Variants in KCNV1 observed in about 807,000 individuals in gnomAD.
The protein encoded by KCNV1 is potassium voltage-gated channel modifier subfamily V member 1, also known as potassium voltage-gated channel subfamily V member 1.
In KCNV1, 2 loss-of-function variants were observed where a neutral mutation model predicts 36.4. The observed-to-expected ratio is 0.05, with a 90% confidence interval of 0.02 to 0.17. The LOEUF (loss-of-function observed/expected upper bound fraction) is 0.17. Ranked by LOEUF, KCNV1 falls within the 10% of genes least tolerant of loss-of-function variation. The pLI is 1.00. For missense variants in KCNV1, 321 were observed against 643.6 expected (o/e 0.50, Z 5.42); for synonymous variants, 280 against 261.1 (o/e 1.07, Z -0.70).
chr8:109,964,237 A>G lies in KCNV1; in HGVS notation c.*3851T>C, dbSNP rs1312024784. On this transcript the variant is annotated 3_prime_UTR_variant, in exon 4 of 4. Transcript: ENST00000524391. ...AAACATACATGCAGCCAACAATGAT[A>G]TGAAAAAAAGCCTCAATATCACTGA... The G allele has an allele frequency of 1.3e-5, 2 of 152,172 alleles. No individual in the cohort carries two copies. Among genetic ancestry groups the G allele is most frequent in the Admixed American group, 6.5e-5 (1 of 15,286 alleles). 9.4% of individuals were successfully genotyped at this position (152,172 alleles called of 1,614,324 possible).
At chr8:109,971,685 G>C (rs944693113) in intron 3 of KCNV1, among the ~76,000 whole-genome samples, 1 of 151,712 alleles carries the variant, frequency 6.6e-6, no homozygotes, top group Non-Finnish European at 1.5e-5. Flanking sequence ...CATTTAATTA[G>C]TTTATTTTGC....
At chr8:109,969,520 C>T (rs1041600463) in intron 3 of KCNV1, among the ~76,000 whole-genome samples, 6 of 152,078 alleles carry the variant, frequency 3.9e-5, no homozygotes, top group South Asian at 2.1e-4. Flanking sequence ...AGTCCAATTC[C>T]GTCTCTGAAG....
intron 3 of KCNV1, among the ~76,000 whole-genome samples, chr8:109,969,852 GA>G (rs199693742): frequency 0.12 from 10,745 of 86,418 alleles, 917 homozygotes; most frequent in African/African-American, 0.3. Context: ...CTCAAAAAAA[GA>G]AAAAAAAAAA....
chr8:109,973,581 G>C (rs1053850921), intron 2 of KCNV1, among the ~76,000 whole-genome samples: 8 of 152,048 alleles, frequency 5.3e-5, no homozygotes, highest in Non-Finnish European at 5.9e-5. Flanking sequence ...ATAATGCTGC[G>C]TGCCAAATCT....
At chr8:109,971,620 C>T (rs1309195534) in intron 3 of KCNV1, among the ~76,000 whole-genome samples, 1 of 151,596 alleles carries the variant, frequency 6.6e-6, no homozygotes, top group African/African-American at 2.4e-5. Context: ...TCTGTATTCC[C>T]CTCTCTCATA....
At chr8:109,969,996 T>C (rs544823221) in intron 3 of KCNV1, among the ~76,000 whole-genome samples, 2 of 152,310 alleles carry the variant, frequency 1.3e-5, no homozygotes, top group Non-Finnish European at 2.9e-5. Flanking sequence ...GTCAAAATGA[T>C]ATTGCCCCAG....
Position 109,972,928 on chromosome 8 carries a change from G to A in KCNV1, c.462-141C>T, listed in dbSNP as rs573915115. 9.7e-6 allele frequency: 6 copies of A among 620,660 alleles called. No individual in the cohort carries two copies. The East Asian group carries it at 1.4e-4, about 15-fold the overall frequency. 38.4% of individuals were successfully genotyped at this position (620,660 alleles called of 1,614,324 possible). A position where few individuals can be genotyped will look rare whatever the true frequency, so the allele number is the denominator to read the frequency against. The stretch of plus-strand genomic sequence containing the variant: ...TCTATTCATATTTTACTTAGGTTGT[G>A]TCTTACCCACAGTATTCAGAATTTC... On this transcript the variant is annotated intron_variant, in intron 2 of 3. Transcript: ENST00000524391. This position sits in a 1 kb window ranked among gnomAD's most constrained non-coding sequence, Gnocchi z 5.2.
chr8:109,972,466 G>T lies in KCNV1; in HGVS notation c.783C>A (p.Phe261Leu). ...SWFTGEFVLR[F>L]LCVRDRCRFL... ...AGCGACACCTGTCCCGCACACACAGGAAGCGGAGGACAAACTCCCCGGTGA... is the reference window on the plus strand; with the variant it reads ...AGCGACACCTGTCCCGCACACACAGTAAGCGGAGGACAAACTCCCCGGTGA... The change falls in exon 3 of 4, where the codon TTC becomes TTA. Residue 261 changes from phenylalanine to leucine, a missense_variant. Coordinates refer to ENST00000524391, the MANE Select transcript of KCNV1 (RefSeq NM_014379.4). This position sits in a 1 kb window ranked among gnomAD's most constrained non-coding sequence, Gnocchi z 5.2. 1 of 1,614,162 alleles carries T rather than the reference G, an allele frequency of 6.2e-7. No homozygotes were observed. The highest frequency in any genetic ancestry group is 8.5e-7 in the Non-Finnish European group (1 of 1,180,028).
At position 109,974,415 on chromosome 8, in the gene KCNV1, G is replaced by A. The variant is rs529769410; in HGVS notation, c.-27C>T. The A allele has an allele frequency of 4.9e-6, 7 of 1,431,948 alleles. No homozygotes were observed. In the South Asian group the frequency reaches 1.0e-4, roughly 21 times the overall value. The allele number at this position is 1,431,948 out of a possible 1,614,324, so 88.7% of individuals were successfully genotyped here. On this transcript the variant is annotated 5_prime_UTR_variant, in exon 2 of 4. Coordinates refer to ENST00000524391, the MANE Select transcript of KCNV1 (RefSeq NM_014379.4). This position sits in a 1 kb window ranked among gnomAD's most constrained non-coding sequence, Gnocchi z 6.2. The stretch of plus-strand genomic sequence containing the variant: ...TCTAACCCAGTCGCCGCGGCCTGAG[G>A]GCGCCACAAAGTTGGGGACACGCCG...
Position 109,968,268 on chromosome 8 carries a change from C to T in KCNV1, c.1323G>A (p.Lys441=). 6.2e-7 allele frequency: 1 copy of T among 1,614,098 alleles called. No individual in the cohort carries two copies. The highest frequency in any genetic ancestry group is 8.5e-7 in the Non-Finnish European group (1 of 1,180,002). Residue 441 remains lysine, a synonymous_variant, in exon 4 of 4, where the codon AAG becomes AAA. Coordinates refer to ENST00000524391, the MANE Select transcript of KCNV1 (RefSeq NM_014379.4). The surrounding 1 kb of genome is among the most constrained non-coding windows in gnomAD (Gnocchi z 5.3). ...FSACYFTLKL[K]EAAVRQREAL... is the part of the protein sequence containing the mutation. ...CTTCACGCTGTCTAACAGCTGCTTC[C>T]TTGAGTTTCAAGGTGAAGTAGCAAG...
rs1338894909 is a variant in KCNV1, at chr8:109,965,379, CAG to C, written c.*2707_*2708del. The C allele has an allele frequency of 6.6e-6, 1 of 152,054 alleles. No individual in the cohort carries two copies. The highest frequency in any genetic ancestry group is 1.5e-5 in the Non-Finnish European group (1 of 67,992). 9.4% of individuals were successfully genotyped at this position (152,054 alleles called of 1,614,324 possible). On this transcript the variant is annotated 3_prime_UTR_variant, in exon 4 of 4. Coordinates refer to ENST00000524391, the MANE Select transcript of KCNV1 (RefSeq NM_014379.4). ...TTAAAATAATGGGTTATAAAATTGG[CAG>C]AGTTCCTGCCTTGATTTTTTTACCT...
At chr8:109,970,786 T>C (rs1182200478) in intron 3 of KCNV1, among the ~76,000 whole-genome samples, 2 of 152,254 alleles carry the variant, frequency 1.3e-5, no homozygotes, top group African/African-American at 4.8e-5. Flanking sequence ...ATTTTCCTTT[T>C]CCTTTCTTTT....
rs1036504117 is a variant in KCNV1 at position 109,964,216 on chromosome 8, A to T, written c.*3872T>A. On this transcript the variant is annotated 3_prime_UTR_variant, in exon 4 of 4. Coordinates refer to ENST00000524391, the MANE Select transcript of KCNV1 (RefSeq NM_014379.4). ...GAACAGACACTTTTCAAAAGAAAAC[A>T]TACATGCAGCCAACAATGATATGAA... 6.6e-6 allele frequency: 1 copy of T among 152,210 alleles called. No homozygotes were observed. 9.4% of individuals were successfully genotyped at this position (152,210 alleles called of 1,614,324 possible).
chr8:109,968,658 C>T lies in KCNV1; in HGVS notation c.992-59G>A. 1 of 1,516,392 alleles carries T rather than the reference C, an allele frequency of 6.6e-7. No homozygotes were observed. Among genetic ancestry groups the T allele is most frequent in the South Asian group, 1.3e-5 (1 of 79,158 alleles). 93.9% of individuals were successfully genotyped at this position (1,516,392 alleles called of 1,614,324 possible). A position where few individuals can be genotyped will look rare whatever the true frequency, so the allele number is the denominator to read the frequency against. Reference sequence around the variant, plus strand: ...TCCCTCTTCTCTCTCTTCCTTCCCTCCCCTCCCCTCTCCCTCCTTGCTCTG... The same window carrying T: ...TCCCTCTTCTCTCTCTTCCTTCCCTTCCCTCCCCTCTCCCTCCTTGCTCTG... On this transcript the variant is annotated intron_variant, in intron 3 of 3. Transcript: ENST00000524391. This position sits in a 1 kb window ranked among gnomAD's most constrained non-coding sequence, Gnocchi z 5.3.
Position 109,972,223 on chromosome 8 carries a change from T to A in KCNV1, c.991+35A>T, listed in dbSNP as rs1191861513. ...TCAAAAAACGAATGCTTACATGCAA[T>A]GGCAAATTAAAAGGCATCAGTGAAA... On this transcript the variant is annotated intron_variant, in intron 3 of 3. Transcript: ENST00000524391. The surrounding 1 kb of genome is among the most constrained non-coding windows in gnomAD (Gnocchi z 5.2). 6.5e-7 allele frequency: 1 copy of A among 1,537,590 alleles called. No homozygotes were observed. Among genetic ancestry groups the A allele is most frequent in the East Asian group, 2.3e-5 (1 of 44,280 alleles).
In KCNV1 at chr8:109,963,891, A is replaced by T. The variant is rs1225761421; in HGVS notation, c.*4197T>A. On this transcript the variant is annotated 3_prime_UTR_variant, in exon 4 of 4. Coordinates refer to ENST00000524391, the MANE Select transcript of KCNV1 (RefSeq NM_014379.4). Reference sequence around the variant, plus strand: ...TTAAAATTGCTTTTTTAGGTACTTAAGCATTGCCTATATGCATTTAAATGT... The same window carrying T: ...TTAAAATTGCTTTTTTAGGTACTTATGCATTGCCTATATGCATTTAAATGT... The T allele has an allele frequency of 6.6e-6, 1 of 152,240 alleles. No individual in the cohort carries two copies. The highest frequency in any genetic ancestry group is 1.5e-5 in the Non-Finnish European group (1 of 68,040). The allele number at this position is 152,240 out of a possible 1,614,324, so 9.4% of individuals were successfully genotyped here. A position where few individuals can be genotyped will look rare whatever the true frequency, so the allele number is the denominator to read the frequency against.
chr8:109,968,544 C>G lies in KCNV1; in HGVS notation c.1047G>C (p.Leu349=). The G allele has an allele frequency of 1.2e-6, 2 of 1,605,770 alleles. No homozygotes were observed. Among genetic ancestry groups the G allele is most frequent in the Non-Finnish European group, 1.7e-6 (2 of 1,173,140 alleles). Residue 349 remains leucine, a synonymous_variant, in exon 4 of 4, where the codon CTG becomes CTC. Coordinates refer to ENST00000524391, the MANE Select transcript of KCNV1 (RefSeq NM_014379.4). The surrounding 1 kb of genome is among the most constrained non-coding windows in gnomAD (Gnocchi z 5.3). The part of the protein sequence containing the change: ...ITQCYEEVGL[L]LLFLSVGISI... ...AGATTCCCACGGATAGAAATAGGAG[C>G]AGTAGGCCGACTTCTTCGTAACACT... is the stretch of plus-strand genomic sequence containing the variant.
chr8:109,972,670 G>C lies in KCNV1; in HGVS notation c.579C>G (p.Arg193=), dbSNP rs1229948036. ...DFSQGPCPTV[R]QKLWNILEKP... ...TCTCCAGGATATTCCAGAGCTTCTG[G>C]CGAACAGTGGGACAAGGTCCTTGGG... Residue 193 remains arginine, a synonymous_variant, in exon 3 of 4, where the codon CGC becomes CGG. Coordinates refer to ENST00000524391, the MANE Select transcript of KCNV1 (RefSeq NM_014379.4). This position sits in a 1 kb window ranked among gnomAD's most constrained non-coding sequence, Gnocchi z 5.2. 2 of 1,614,180 alleles carry C rather than the reference G, an allele frequency of 1.2e-6. No homozygotes were observed. Among genetic ancestry groups the C allele is most frequent in the Non-Finnish European group, 1.7e-6 (2 of 1,180,022 alleles).
chr8:109,975,076 G>T lies in KCNV1; in HGVS notation c.-688C>A, dbSNP rs1277430474. The T allele has an allele frequency of 6.6e-6, 1 of 152,354 alleles. No individual in the cohort carries two copies. The highest frequency in any genetic ancestry group is 6.5e-5 in the Admixed American group (1 of 15,272). The allele number at this position is 152,354 out of a possible 1,614,324, so 9.4% of individuals were successfully genotyped here. On this transcript the variant is annotated 5_prime_UTR_variant, in exon 2 of 4. Transcript: ENST00000524391. The stretch of plus-strand genomic sequence containing the variant: ...GTGTTCGCTGGGGGTGTGAGCAGGT[G>T]GGGGAGGGTTCTCTGGGTGAGGGGG...
Sources: allele counts gnomAD v4.1 joint callset (sites outside exome capture counted in the v4.1 genomes callset), GRCh38; gene constraint gnomAD v4.1.1; non-coding constraint Gnocchi (gnomAD v3.1); transcripts MANE v1.5; gene names NCBI Gene and HGNC (gene_info 2026-07-23, HGNC 2026-07-21).